ATP10B: variants seen among roughly 807,000 people sequenced by gnomAD.
ATP10B encodes the protein ATPase phospholipid transporting 10B (putative).
A neutral mutation model predicts 141.2 loss-of-function variants in ATP10B; 122 were observed. That is an observed-to-expected ratio of 0.86 (90% CI 0.75 to 1.00). The LOEUF (loss-of-function observed/expected upper bound fraction) is 1.00. ATP10B is among the 50% of genes least tolerant of loss of function. The probability of loss-of-function intolerance (pLI) is 0.00; values close to 1 mark genes in which losing one functional copy is unlikely to be tolerated. For synonymous variants in ATP10B, 685 were observed against 692.0 expected, an observed-to-expected ratio of 0.99 and a Z score of 0.16; for missense variants, 1,876 against 1,825.3, an observed-to-expected ratio of 1.03 and a Z score of -0.51.
At chr5:160,654,667 A>T (rs1402886107) in intron 7 of ATP10B, among the ~76,000 whole-genome samples, 2 of 152,176 alleles carry the variant, frequency 1.3e-5, no homozygotes, top group African/African-American at 4.8e-5. Flanking sequence ...CAGGATTGCC[A>T]TTCACATCGT....
At chr5:160,902,655 G>T in the ATP10B span, among the ~76,000 whole-genome samples, 2 of 152,178 alleles carry the variant, frequency 1.3e-5, no homozygotes, top group Non-Finnish European at 2.9e-5. Context: ...ATAGAGAAAA[G>T]TTTGGGCATC....
intron 2 of ATP10B, among the ~76,000 whole-genome samples, chr5:160,722,010 T>C (rs1201854525): frequency 1.3e-5 from 2 of 152,180 alleles, no homozygotes; most frequent in Non-Finnish European, 2.9e-5. Flanking sequence ...GGGATAATAA[T>C]AATATATACC....
intron 2 of ATP10B, among the ~76,000 whole-genome samples, chr5:160,730,770 G>T (rs894329837): frequency 6.6e-6 from 1 of 152,060 alleles, no homozygotes; most frequent in Non-Finnish European, 1.5e-5. Flanking sequence ...CCAGCACCAT[G>T]TTTCCATATA....
the ATP10B span, among the ~76,000 whole-genome samples, chr5:160,888,982 A>C: frequency 6.6e-6 from 1 of 152,188 alleles, no homozygotes; most frequent in Non-Finnish European, 1.5e-5. Context: ...TCACATTGTT[A>C]ATGTCACAAT....
intron 1 of ATP10B, among the ~76,000 whole-genome samples, chr5:160,838,379 AG>A (rs1410430531): frequency 1.3e-5 from 2 of 152,212 alleles, no homozygotes; most frequent in Admixed American, 1.3e-4. Flanking sequence ...TTTCACAGAC[AG>A]GCCTGTCATC....
intron 2 of ATP10B, among the ~76,000 whole-genome samples, chr5:160,784,713 C>A (rs1362941726): frequency 2.6e-5 from 4 of 152,074 alleles, no homozygotes; most frequent in Non-Finnish European, 4.4e-5. Context: ...TTAGCCAAGG[C>A]TTGTGCCTGC....
intron 1 of ATP10B, among the ~76,000 whole-genome samples, chr5:160,801,618 A>G (rs921669790): frequency 5.3e-5 from 8 of 152,172 alleles, no homozygotes; most frequent in African/African-American, 1.9e-4. Context: ...TAAATGCATG[A>G]CTACTTTGTT....
chr5:160,757,339 T>G (rs534143547), intron 2 of ATP10B, among the ~76,000 whole-genome samples: 1 of 152,328 alleles, frequency 6.6e-6, no homozygotes, highest in South Asian at 2.1e-4. Flanking sequence ...TTGAGGGCCC[T>G]GACTATGGGA....
chr5:160,644,616 T>C (rs1760142389), intron 8 of ATP10B, among the ~76,000 whole-genome samples: 1 of 152,122 alleles, frequency 6.6e-6, no homozygotes, highest in South Asian at 2.1e-4. Context: ...AAGATGGTGA[T>C]GAGAGTGACC....
chr5:160,871,335 A>C, the ATP10B span, among the ~76,000 whole-genome samples: 1 of 152,120 alleles, frequency 6.6e-6, no homozygotes, highest in Non-Finnish European at 1.5e-5. Context: ...TTGTTGTTAT[A>C]ATGTACTCAC....
chr5:160,592,197 G>C (rs138880124), intron 22 of ATP10B, among the ~76,000 whole-genome samples: 1 of 152,118 alleles, frequency 6.6e-6, no homozygotes, highest in African/African-American at 2.4e-5. Flanking sequence ...GTAATTTTGA[G>C]TTCTAAGTTT....
At chr5:160,818,325 A>G (rs1773840009) in intron 1 of ATP10B, among the ~76,000 whole-genome samples, 1 of 152,242 alleles carries the variant, frequency 6.6e-6, no homozygotes, top group South Asian at 2.1e-4. Flanking sequence ...CAACCCCATC[A>G]AAAAGTGGGC....
the ATP10B span, among the ~76,000 whole-genome samples, chr5:160,918,760 G>A: frequency 9.2e-5 from 14 of 152,276 alleles, no homozygotes; most frequent in East Asian, 2.5e-3. Flanking sequence ...GGAAATTTAT[G>A]GAGTAGATAA....
the ATP10B span, among the ~76,000 whole-genome samples, chr5:160,925,479 C>T: frequency 1.3e-5 from 2 of 152,242 alleles, no homozygotes; most frequent in East Asian, 1.9e-4. Flanking sequence ...CAGCTAGCAA[C>T]TGGCAGTGCC....
chr5:160,791,609 T>C (rs1175214555), intron 1 of ATP10B, among the ~76,000 whole-genome samples: 1 of 152,176 alleles, frequency 6.6e-6, no homozygotes, highest in Admixed American at 6.6e-5. Context: ...TGATCCAAAA[T>C]GGCCATCAGA....
intron 1 of ATP10B, among the ~76,000 whole-genome samples, chr5:160,820,603 G>A (rs771148553): frequency 2.0e-5 from 3 of 151,838 alleles, no homozygotes; most frequent in Non-Finnish European, 4.4e-5. Flanking sequence ...GAAAATTACA[G>A]GCCAATATCT....
the ATP10B span, among the ~76,000 whole-genome samples, chr5:160,909,876 C>T: frequency 2.6e-5 from 4 of 152,112 alleles, no homozygotes; most frequent in Non-Finnish European, 5.9e-5. Flanking sequence ...TGGAAGCTGC[C>T]GGTTGTAGGC....
At chr5:160,634,174 A>G (rs749140472) in intron 12 of ATP10B, 180 bp downstream of exon 12, 3 of 865,196 alleles carry the variant, frequency 3.5e-6, no homozygotes, top group Non-Finnish European at 5.9e-6. Flanking sequence ...GAAAGTTTAC[A>G]AGTAATTGGA....
At chr5:160,789,162 G>A (rs1771390159) in intron 1 of ATP10B, among the ~76,000 whole-genome samples, 1 of 152,146 alleles carries the variant, frequency 6.6e-6, no homozygotes, top group African/African-American at 2.4e-5. Flanking sequence ...ATTGATTCAA[G>A]TAGAGGCATG....
Sources: allele counts gnomAD v4.1 joint callset (sites outside exome capture counted in the v4.1 genomes callset), GRCh38; gene constraint gnomAD v4.1.1; transcripts MANE v1.5; gene names NCBI Gene and HGNC (gene_info 2026-07-23, HGNC 2026-07-21).